EXT2: variants seen among roughly 807,000 people sequenced by gnomAD.
The protein encoded by EXT2 is exostosin-2.
In EXT2, 53 loss-of-function variants were observed where a neutral mutation model predicts 81.6. The ratio of observed to expected loss-of-function variants is 0.65; its 90% CI spans 0.52 to 0.82. The LOEUF (loss-of-function observed/expected upper bound fraction) is 0.82, where lower values mean the gene tolerates loss of function less well. Ranked by LOEUF, EXT2 falls within the 40% of genes least tolerant of loss-of-function variation. The probability of loss-of-function intolerance (pLI) is 0.00; values close to 1 mark genes in which losing one functional copy is unlikely to be tolerated. For missense variants in EXT2, 774 were observed against 910.2 expected (o/e 0.85, Z 1.93); for synonymous variants, 320 against 340.0 (o/e 0.94, Z 0.65).
intron 10 of EXT2, among the ~76,000 whole-genome samples, chr11:44,212,874 A>C (rs1052227265): frequency 1.1e-3 from 163 of 152,160 alleles, no homozygotes; most frequent in African/African-American, 3.9e-3. Flanking sequence ...GAGTAGAAAA[A>C]ACTACATTGC....
intron 13 of EXT2, among the ~76,000 whole-genome samples, chr11:44,242,407 G>A (rs1418819613): frequency 6.6e-6 from 1 of 152,110 alleles, no homozygotes; most frequent in Non-Finnish European, 1.5e-5. Flanking sequence ...TTGGAACTAG[G>A]AACACCACCT....
chr11:44,196,394 G>A (rs1232323779), intron 8 of EXT2, among the ~76,000 whole-genome samples: 1 of 152,050 alleles, frequency 6.6e-6, no homozygotes, highest in African/African-American at 2.4e-5. Context: ...TTAACGTACT[G>A]AGAACTTCTT....
intron 8 of EXT2, among the ~76,000 whole-genome samples, chr11:44,184,842 C>G (rs1247240413): frequency 3.9e-5 from 6 of 152,146 alleles, no homozygotes; most frequent in African/African-American, 1.4e-4. Flanking sequence ...TTTAAGTTGT[C>G]AGCAATTAAT....
In EXT2 at chr11:44,193,917, C is replaced by T. The variant is rs541868059; in HGVS notation, c.1306-3912C>T. Among the ~76,000 whole-genome samples, 14 of 152,314 alleles carry T rather than the reference C, an allele frequency of 9.2e-5. No individual in the cohort carries two copies. In the South Asian group the frequency reaches 2.9e-3, roughly 32 times the overall value. ...CAGCCAACCATTCCTTCCTGTCCTT[C>T]CTCCTCCCCTACCGATTCACTTCCC... On this transcript the variant is annotated intron_variant, in intron 8 of 13. Coordinates refer to ENST00000533608, the MANE Select transcript of EXT2 (RefSeq NM_207122.2).
intron 8 of EXT2, among the ~76,000 whole-genome samples, chr11:44,181,231 T>C (rs1199420907): frequency 1.3e-5 from 2 of 152,246 alleles, no homozygotes; most frequent in Non-Finnish European, 2.9e-5. Context: ...TTTTTCATTT[T>C]AATCTCAAAA....
intron 1 of EXT2, chr11:44,104,921 T>C (rs1954033970): frequency 6.6e-6 from 1 of 152,254 alleles, no homozygotes; most frequent in Admixed American, 6.5e-5. Context: ...CTGATGTATA[T>C]ACTCCAAAGA....
chr11:44,238,913 A>AT (rs796688933), intron 13 of EXT2, among the ~76,000 whole-genome samples: 2 of 151,888 alleles, frequency 1.3e-5, no homozygotes, highest in Admixed American at 6.6e-5. Flanking sequence ...AAGGAGCTAG[A>AT]TTTTTTTTTC....
chr11:44,103,299 G>T (rs1053919557), intron 1 of EXT2, among the ~76,000 whole-genome samples: 2 of 151,906 alleles, frequency 1.3e-5, no homozygotes, highest in Non-Finnish European at 2.9e-5. Context: ...TCTGTGAATT[G>T]ATGTATTTTA....
At chr11:44,168,148 G>C (rs1955021497) in intron 7 of EXT2, among the ~76,000 whole-genome samples, 1 of 151,756 alleles carries the variant, frequency 6.6e-6, no homozygotes, top group Non-Finnish European at 1.5e-5. Context: ...ATCTACTTTT[G>C]ACAAGATCAA....
intron 5 of EXT2, 112 bp from the exon 6 acceptor site, chr11:44,126,704 C>A: frequency 7.4e-7 from 1 of 1,347,006 alleles, no homozygotes; most frequent in South Asian, 1.2e-5. Context: ...TGTCAAGATG[C>A]CTCAGTATTG....
chr11:44,139,660 CG>C (rs1954618253), intron 7 of EXT2, among the ~76,000 whole-genome samples: 1 of 152,122 alleles, frequency 6.6e-6, no homozygotes. Flanking sequence ...AAAGGGGAGA[CG>C]AGCTTCATCT....
In EXT2 at chr11:44,150,396, T is replaced by C. The variant is rs114624961; in HGVS notation, c.1173+20258T>C. Among the ~76,000 whole-genome samples, 1,195 of 152,332 alleles carry C rather than the reference T, an allele frequency of 7.8e-3. 12 individuals are homozygous for C. The highest frequency in any genetic ancestry group is 0.028 in the African/African-American group (1,145 of 41,580). The stretch of plus-strand genomic sequence containing the variant: ...ATAATGAACAACCCATCGTGGATTC[T>C]ACATTCTTACATATTTTTAGAAGGA... On this transcript the variant is annotated intron_variant, in intron 7 of 13. Transcript: ENST00000533608.
At chr11:44,161,455 G>A (rs754051225) in intron 7 of EXT2, among the ~76,000 whole-genome samples, 1 of 151,952 alleles carries the variant, frequency 6.6e-6, no homozygotes, top group Non-Finnish European at 1.5e-5. Context: ...GATCGTGCCT[G>A]TGAATAGCTA....
At chr11:44,171,887 G>A in intron 8 of EXT2, 145 bp downstream of exon 8, 3 of 1,245,180 alleles carry the variant, frequency 2.4e-6, no homozygotes, top group African/African-American at 1.5e-5. Flanking sequence ...GGCCTGATAA[G>A]GGCAGCATAA....
intron 13 of EXT2, among the ~76,000 whole-genome samples, chr11:44,236,700 G>T (rs1955969408): frequency 6.6e-6 from 1 of 152,146 alleles, no homozygotes; most frequent in Admixed American, 6.5e-5. Flanking sequence ...AGGAAATACT[G>T]GATTATTTTT....
At chr11:44,212,226 C>T (rs940905417) in intron 10 of EXT2, among the ~76,000 whole-genome samples, 6 of 151,318 alleles carry the variant, frequency 4.0e-5, no homozygotes, top group East Asian at 1.9e-4. Context: ...CAGAGGTTGC[C>T]GTGAGCCAAG....
intron 7 of EXT2, among the ~76,000 whole-genome samples, chr11:44,134,080 C>A (rs552663430): frequency 4.3e-4 from 65 of 152,310 alleles, no homozygotes; most frequent in Non-Finnish European, 7.2e-4. Flanking sequence ...CTGAAGGCCA[C>A]CAGTGAGCAG....
In EXT2 at chr11:44,124,974, A is replaced by T. The variant is rs752255309; in HGVS notation, c.929A>T (p.Gln310Leu). ...AAGCACCAGGTCTTCGATTACCCAC[A>T]GGTGCTACAGGTGAGTGTCATTCAT... ...CHKHQVFDYP[Q>L]VLQEATFCVV... The change falls in exon 5 of 14, where the codon CAG becomes CTG. Residue 310 changes from glutamine (Q) to leucine (L), a missense_variant. Around this residue, in one of 2 missense-constraint regions of EXT2, gnomAD observed 626 missense variants for 670.5 expected, o/e 0.93. Coordinates refer to ENST00000533608, the MANE Select transcript of EXT2 (RefSeq NM_207122.2). 1.6e-5 allele frequency: 25 copies of T among 1,612,680 alleles called. No individual in the cohort carries two copies. The South Asian group carries it at 2.4e-4, about 16-fold the overall frequency.
At chr11:44,150,730 T>TGGG (rs1954781293) in intron 7 of EXT2, among the ~76,000 whole-genome samples, 1 of 152,192 alleles carries the variant, frequency 6.6e-6, no homozygotes, top group Admixed American at 6.5e-5. Context: ...TTTATAATTT[T>TGGG]GGGGGACACA....
Sources: gnomAD v4.1 joint callset for allele counts (sites outside exome capture counted in the v4.1 genomes callset) on GRCh38, gnomAD v4.1.1 for gene constraint, gnomAD v4.1.1 regional missense constraint, MANE v1.5 for transcripts, NCBI Gene and HGNC (gene_info 2026-07-23, HGNC 2026-07-21) for gene names.